The following MYF6 variants were observed in gnomAD, a reference collection of about 807,000 sequenced individuals.
MYF6 encodes class C basic helix-loop-helix protein 4.
MYF6 carries 20 observed loss-of-function variants against 21.7 expected under a neutral mutation model. The ratio of observed to expected loss-of-function variants is 0.92; its 90% confidence interval spans 0.65 to 1.34. The LOEUF is 1.34. Ranked by LOEUF, MYF6 falls within the 40% of genes most tolerant of loss-of-function variation. The probability of loss-of-function intolerance (pLI) is 0.00; values close to 1 mark genes in which losing one functional copy is unlikely to be tolerated. For synonymous variants in MYF6, 124 were observed against 124.7 expected (o/e 0.99, Z 0.04); for missense variants, 320 against 304.1 (o/e 1.05, Z -0.39).
chr12:80,708,865 G>A lies in MYF6; in HGVS notation c.634G>A (p.Ala212Thr), dbSNP rs886049856. 8.1e-6 allele frequency: 13 copies of A among 1,614,106 alleles called. No homozygotes were observed. The highest frequency in any genetic ancestry group is 1.1e-5 in the South Asian group (1 of 91,086). ...AGGAGGAGCAAGTATTGATTCGTCA[G>A]CCTCGAGTAGCCTTCGATGCCTTTC... ...KEGGASIDSS[A>T]SSSLRCLSSI... Residue 212 changes from alanine to threonine, a missense_variant, in exon 3 of 3, where the codon GCC becomes ACC. Ala to Thr is a moderately conservative substitution (Grantham distance 58). Transcript: ENST00000228641.
rs532941170 is a variant in MYF6, at chr12:80,708,711, C to T, written c.610+97C>T. The T allele has an allele frequency of 5.2e-6, 8 of 1,528,382 alleles. No homozygotes were observed. In the East Asian group the frequency reaches 1.8e-4, roughly 34 times the overall value. 94.7% of individuals were successfully genotyped at this position (1,528,382 alleles called of 1,614,324 possible). ...CTCGAAGCGAGAGCAGGGACGCGCCCTGCGAAAAGGGCGCTCTTTGCGCGC... is the reference window on the plus strand; with the variant it reads ...CTCGAAGCGAGAGCAGGGACGCGCCTTGCGAAAAGGGCGCTCTTTGCGCGC... On this transcript the variant is annotated intron_variant, in intron 2 of 2. Coordinates refer to ENST00000228641, the MANE Select transcript of MYF6 (RefSeq NM_002469.3).
In MYF6 at chr12:80,708,003, G is replaced by A. The variant is rs1474600020; in HGVS notation, c.284G>A (p.Arg95Gln). Reference sequence around the variant, plus strand: ...AGAAAATCTGCCCCCACTGACCGGCGAAAAGCCGCCACCCTGCGCGAAAGG... The same window carrying A: ...AGAAAATCTGCCCCCACTGACCGGCAAAAAGCCGCCACCCTGCGCGAAAGG... ...CKRKSAPTDR[R>Q]KAATLRERRR... Residue 95 changes from arginine (R) to glutamine (Q), a missense_variant, in exon 1 of 3, where the codon CGA becomes CAA. Physicochemically the swap from Arg to Gln is conservative, Grantham distance 43. Transcript: ENST00000228641. The A allele has an allele frequency of 6.2e-7, 1 of 1,614,172 alleles. No individual in the cohort carries two copies. Among genetic ancestry groups the A allele is most frequent in the Non-Finnish European group, 8.5e-7 (1 of 1,180,048 alleles).
Position 80,707,929 on chromosome 12 carries a change from T to G in MYF6, c.210T>G (p.Pro70=), listed in dbSNP as rs1187115362. ...EHVLAPPGLQ[P]PHCPGQCLIW... is the part of the protein sequence containing the mutation. ...TCCTGGCGCCCCCGGGCCTGCAGCC[T>G]CCACACTGCCCCGGCCAGTGTCTGA... The change falls in exon 1 of 3, where the codon CCT becomes CCG. Residue 70 remains proline (P), a synonymous_variant. Coordinates refer to ENST00000228641, the MANE Select transcript of MYF6 (RefSeq NM_002469.3). 6.2e-7 allele frequency: 1 copy of G among 1,614,000 alleles called. No individual in the cohort carries two copies. Among genetic ancestry groups the G allele is most frequent in the Non-Finnish European group, 8.5e-7 (1 of 1,180,028 alleles).
In MYF6 at chr12:80,708,591, G is replaced by T. The variant is rs750182640; in HGVS notation, c.587G>T (p.Gly196Val). 6.2e-7 allele frequency: 1 copy of T among 1,614,230 alleles called. No individual in the cohort carries two copies. The highest frequency in any genetic ancestry group is 8.5e-7 in the Non-Finnish European group (1 of 1,180,040). Residue 196 changes from glycine to valine, a missense_variant, in exon 2 of 3, where the codon GGG becomes GTG. Gly to Val is a moderately radical substitution (Grantham distance 109, BLOSUM62 -3). Transcript: ENST00000228641. Reference sequence around the variant, plus strand: ...CCAAGTGTTTCCGATCATTCCAGGGGGCTCGTGATAACGGCTAAGGAAGGT... The same window carrying T: ...CCAAGTGTTTCCGATCATTCCAGGGTGCTCGTGATAACGGCTAAGGAAGGT... ...QWPSVSDHSR[G>V]LVITAKEGGA... is the part of the protein sequence containing the mutation.
In MYF6 at chr12:80,708,094, C is replaced by A; in HGVS notation, c.375C>A (p.Asn125Lys). The A allele has an allele frequency of 6.2e-7, 1 of 1,614,208 alleles. No individual in the cohort carries two copies. ...AGCGGCGAACTGTGGCCAACCCCAA[C>A]CAGAGGCTGCCCAAGGTGGAGATTC... ...ALKRRTVANP[N>K]QRLPKVEILR... The change falls in exon 1 of 3, where the codon AAC becomes AAA. Residue 125 changes from asparagine (N) to lysine (K), a missense_variant. Transcript: ENST00000228641.
At position 80,709,341 on chromosome 12, in the gene MYF6, T is replaced by G. The variant is rs1255082204; in HGVS notation, c.*381T>G. ...AGTTGCATTTAATGTTAGGGGTATTTAATGTATTTTTGTAAATAGTTTAAC... is the reference window on the plus strand; with the variant it reads ...AGTTGCATTTAATGTTAGGGGTATTGAATGTATTTTTGTAAATAGTTTAAC... On this transcript the variant is annotated 3_prime_UTR_variant, in exon 3 of 3. Coordinates refer to ENST00000228641, the MANE Select transcript of MYF6 (RefSeq NM_002469.3). The G allele has an allele frequency of 5.4e-6, 1 of 185,428 alleles. No homozygotes were observed. The highest frequency in any genetic ancestry group is 5.4e-5 in the Admixed American group (1 of 18,410). 11.5% of individuals were successfully genotyped at this position (185,428 alleles called of 1,614,324 possible).
rs780707621 is a variant in MYF6, at chr12:80,708,622, A to T, written c.610+8A>T. On this transcript the variant is annotated splice_region_variant and intron_variant, in intron 2 of 2. Transcript: ENST00000228641. ...TGATAACGGCTAAGGAAGGTAAAGT[A>T]AAAGGGCTCTGGGCCGCACCAGAGA... 1 of 1,613,308 alleles carries T rather than the reference A, an allele frequency of 6.2e-7. No individual in the cohort carries two copies. The highest frequency in any genetic ancestry group is 8.5e-7 in the Non-Finnish European group (1 of 1,179,232).
At position 80,707,873 on chromosome 12, in the gene MYF6, GC is replaced by G; in HGVS notation, c.155del (p.Ala52GlyfsTer27). 1.2e-6 allele frequency: 2 copies of G among 1,614,194 alleles called. No individual in the cohort carries two copies. The highest frequency in any genetic ancestry group is 1.1e-5 in the South Asian group (1 of 91,086). On this transcript the variant is annotated frameshift_variant, in exon 1 of 3. Transcript: ENST00000228641. LOFTEE classifies it high-confidence loss of function. ...SPCQDQMPPE[A>X]GSDSSGEEHV... ...CTGCCAGGACCAAATGCCCCCGGAA[GC>G]GGGGAGCGACAGCAGCGGAGAGGAA... is the stretch of plus-strand genomic sequence containing the variant.
At position 80,708,988 on chromosome 12, in the gene MYF6, C is replaced by T. The variant is rs1448278101; in HGVS notation, c.*28C>T. ...GAGCCTGCGCTTGAGACCTTCTCCA[C>T]GCAGCAGGAAGATCCCACCGACCCT... On this transcript the variant is annotated 3_prime_UTR_variant, in exon 3 of 3. Coordinates refer to ENST00000228641, the MANE Select transcript of MYF6 (RefSeq NM_002469.3). The T allele has an allele frequency of 6.5e-7, 1 of 1,539,896 alleles. No individual in the cohort carries two copies. The highest frequency in any genetic ancestry group is 1.1e-5 in the South Asian group (1 of 89,544).
rs763544470 is a variant in MYF6, at chr12:80,709,008, G to C, written c.*48G>C. On this transcript the variant is annotated 3_prime_UTR_variant, in exon 3 of 3. Transcript: ENST00000228641. ...CTCCACGCAGCAGGAAGATCCCACC[G>C]ACCCTTCCTGGCCTAATCCTTTAGA... 4 of 1,415,096 alleles carry C rather than the reference G, an allele frequency of 2.8e-6. No homozygotes were observed. The highest frequency in any genetic ancestry group is 4.0e-6 in the Non-Finnish European group (4 of 999,534). The allele number at this position is 1,415,096 out of a possible 1,614,324, so 87.7% of individuals were successfully genotyped here.
chr12:80,708,138 A>G lies in MYF6; in HGVS notation c.419A>G (p.Tyr140Cys), dbSNP rs1383446586. The change falls in exon 1 of 3, where the codon TAT (tyrosine) becomes TGT (cysteine). Residue 140 changes from tyrosine (Y) to cysteine (C), a missense_variant. Physicochemically the swap from Tyr to Cys is radical, Grantham distance 194 (BLOSUM62 -2). Coordinates refer to ENST00000228641, the MANE Select transcript of MYF6 (RefSeq NM_002469.3). ...KVEILRSAIS[Y>C]IERLQDLLHR... ...GAGATTCTGCGGAGCGCCATCAGCT[A>G]TATTGAGCGGCTGCAGGACCTGCTG... 6.2e-7 allele frequency: 1 copy of G among 1,614,164 alleles called. No individual in the cohort carries two copies. Among genetic ancestry groups the G allele is most frequent in the Non-Finnish European group, 8.5e-7 (1 of 1,180,022 alleles).
chr12:80,709,012 C>T lies in MYF6; in HGVS notation c.*52C>T, dbSNP rs756836102. 1.3e-5 allele frequency: 18 copies of T among 1,380,438 alleles called. No homozygotes were observed. The Admixed American group carries it at 1.9e-4, about 14-fold the overall frequency. The allele number at this position is 1,380,438 out of a possible 1,614,324, so 85.5% of individuals were successfully genotyped here. A position where few individuals can be genotyped will look rare whatever the true frequency, so the allele number is the denominator to read the frequency against. On this transcript the variant is annotated 3_prime_UTR_variant, in exon 3 of 3. Transcript: ENST00000228641. ...ACGCAGCAGGAAGATCCCACCGACC[C>T]TTCCTGGCCTAATCCTTTAGATTAG...
At position 80,709,081 on chromosome 12, in the gene MYF6, T is replaced by C; in HGVS notation, c.*121T>C. 1 of 820,182 alleles carries C rather than the reference T, an allele frequency of 1.2e-6. No homozygotes were observed. The highest frequency in any genetic ancestry group is 2.0e-6 in the Non-Finnish European group (1 of 493,162). The allele number at this position is 820,182 out of a possible 1,614,324, so 50.8% of individuals were successfully genotyped here. ...TTAGGAACCCAGACCGAAAAGTTGCTGAAAGGGAAGGAGACACATTCACAA... is the reference window on the plus strand; with the variant it reads ...TTAGGAACCCAGACCGAAAAGTTGCCGAAAGGGAAGGAGACACATTCACAA... On this transcript the variant is annotated 3_prime_UTR_variant, in exon 3 of 3. Transcript: ENST00000228641.
chr12:80,707,918 G>A lies in MYF6; in HGVS notation c.199G>A (p.Gly67Ser), dbSNP rs564041729. 6.2e-7 allele frequency: 1 copy of A among 1,614,152 alleles called. No individual in the cohort carries two copies. Among genetic ancestry groups the A allele is most frequent in the Admixed American group, 1.7e-5 (1 of 60,026 alleles). ...AGAGGAACATGTCCTGGCGCCCCCGGGCCTGCAGCCTCCACACTGCCCCGG... is the reference window on the plus strand; with the variant it reads ...AGAGGAACATGTCCTGGCGCCCCCGAGCCTGCAGCCTCCACACTGCCCCGG... ...SGEEHVLAPPGLQPPHCPGQC... is the reference protein window; with the variant it reads ...SGEEHVLAPPSLQPPHCPGQC... The change falls in exon 1 of 3, where the codon GGC becomes AGC. Residue 67 changes from glycine (G) to serine (S), a missense_variant. Physicochemically the swap from Gly to Ser is moderately conservative, Grantham distance 56. Transcript: ENST00000228641.
rs1440623799 is a variant in MYF6 at position 80,707,882 on chromosome 12, G to T, written c.163G>T (p.Asp55Tyr). Residue 55 changes from aspartate (D) to tyrosine (Y), a missense_variant, in exon 1 of 3, where the codon GAC (aspartate) becomes TAC (tyrosine). Asp to Tyr is a radical substitution (Grantham distance 160, BLOSUM62 -3). Transcript: ENST00000228641. ...QDQMPPEAGS[D>Y]SSGEEHVLAP... is the part of the protein sequence containing the mutation. ...CCAAATGCCCCCGGAAGCGGGGAGCGACAGCAGCGGAGAGGAACATGTCCT... is the reference window on the plus strand; with the variant it reads ...CCAAATGCCCCCGGAAGCGGGGAGCTACAGCAGCGGAGAGGAACATGTCCT... 1.9e-6 allele frequency: 3 copies of T among 1,614,038 alleles called. No homozygotes were observed. Among genetic ancestry groups the T allele is most frequent in the Admixed American group, 3.3e-5 (2 of 59,998 alleles).
Position 80,708,555 on chromosome 12 carries a change from G to A in MYF6, c.551G>A (p.Ser184Asn). The change falls in exon 2 of 3, where the codon AGC becomes AAC. Residue 184 changes from serine to asparagine, a missense_variant. Physicochemically the swap from Ser to Asn is conservative, Grantham distance 46. Coordinates refer to ENST00000228641, the MANE Select transcript of MYF6 (RefSeq NM_002469.3). ...GGTGCGGATTTCCTGCGCACCTGCA[G>A]CTCCCAGTGGCCAAGTGTTTCCGAT... Reference protein sequence around the residue: ...LEGADFLRTCSSQWPSVSDHS... With the variant: ...LEGADFLRTCNSQWPSVSDHS... 6.2e-7 allele frequency: 1 copy of A among 1,611,208 alleles called. No homozygotes were observed. The highest frequency in any genetic ancestry group is 8.5e-7 in the Non-Finnish European group (1 of 1,178,570).
intron 1 of MYF6, 59 bp downstream of exon 1, chr12:80,708,297 G>T: frequency 6.3e-7 from 1 of 1,575,018 alleles, no homozygotes; most frequent in Non-Finnish European, 8.6e-7. Flanking sequence ...GCCTTCCGCG[G>T]GGCCTTAACC....
Position 80,708,634 on chromosome 12 carries a change from G to A in MYF6, c.610+20G>A. On this transcript the variant is annotated intron_variant, in intron 2 of 2. Transcript: ENST00000228641. ...AGGAAGGTAAAGTAAAAGGGCTCTG[G>A]GCCGCACCAGAGAAAATCCGGGAGG... 1 of 1,610,266 alleles carries A rather than the reference G, an allele frequency of 6.2e-7. No individual in the cohort carries two copies.
At position 80,708,099 on chromosome 12, in the gene MYF6, G is replaced by A; in HGVS notation, c.380G>A (p.Arg127Lys). Residue 127 changes from arginine (R) to lysine (K), a missense_variant, in exon 1 of 3, where the codon AGG becomes AAG. Physicochemically the swap from Arg to Lys is conservative, Grantham distance 26. Coordinates refer to ENST00000228641, the MANE Select transcript of MYF6 (RefSeq NM_002469.3). The stretch of plus-strand genomic sequence containing the variant: ...CGAACTGTGGCCAACCCCAACCAGA[G>A]GCTGCCCAAGGTGGAGATTCTGCGG... ...KRRTVANPNQ[R>K]LPKVEILRSA... 1.2e-6 allele frequency: 2 copies of A among 1,614,202 alleles called. No homozygotes were observed. The highest frequency in any genetic ancestry group is 1.7e-5 in the Admixed American group (1 of 60,032).
Sources: gnomAD v4.1 joint callset for allele counts on GRCh38, gnomAD v4.1.1 for gene constraint, MANE v1.5 for transcripts, NCBI Gene and HGNC (gene_info 2026-07-23, HGNC 2026-07-21) for gene names.